SCHIP1: variants seen among roughly 807,000 people sequenced by gnomAD.
The protein encoded by SCHIP1 is schwannomin interacting protein 1.
A neutral mutation model predicts 29.7 loss-of-function variants in SCHIP1; 8 were observed. That is an observed-to-expected ratio of 0.27 (90% confidence interval 0.16 to 0.49). The LOEUF (loss-of-function observed/expected upper bound fraction) is 0.49. SCHIP1 is among the 20% of genes least tolerant of loss of function. The pLI, the probability that SCHIP1 is intolerant of heterozygous loss-of-function variation, is 0.99. For synonymous variants in SCHIP1, 76 were observed against 94.9 expected, an observed-to-expected ratio of 0.80 and a Z score of 1.16; for missense variants, 193 against 294.6, an observed-to-expected ratio of 0.66 and a Z score of 2.52.
the SCHIP1 span, among the ~76,000 whole-genome samples, chr3:159,625,233 T>C: frequency 6.3e-3 from 960 of 152,258 alleles, 13 homozygotes; most frequent in African/African-American, 0.022. Context: ...ACTTTGAATC[T>C]CTGAATCTGC....
chr3:159,482,973 T>G, the SCHIP1 span, among the ~76,000 whole-genome samples: 1 of 152,092 alleles, frequency 6.6e-6, no homozygotes, highest in Non-Finnish European at 1.5e-5. Flanking sequence ...GAAGGGCAGG[T>G]CAAAATTCCT....
At chr3:159,331,185 C>T in the SCHIP1 span, among the ~76,000 whole-genome samples, 1 of 152,120 alleles carries the variant, frequency 6.6e-6, no homozygotes, top group African/African-American at 2.4e-5. Flanking sequence ...TGGGGGGCCA[C>T]TGAAGTTCAG....
At chr3:159,553,558 T>G in the SCHIP1 span, among the ~76,000 whole-genome samples, 1 of 152,212 alleles carries the variant, frequency 6.6e-6, no homozygotes, top group Admixed American at 6.5e-5. Flanking sequence ...ACCTTTTGTG[T>G]TTTACTTAAA....
At chr3:159,433,116 T>C in the SCHIP1 span, among the ~76,000 whole-genome samples, 2 of 152,184 alleles carry the variant, frequency 1.3e-5, no homozygotes, top group African/African-American at 2.4e-5. Flanking sequence ...AGGCTCATTG[T>C]GTATGCAAGG....
At chr3:159,291,967 G>A in the SCHIP1 span, among the ~76,000 whole-genome samples, 1 of 152,118 alleles carries the variant, frequency 6.6e-6, no homozygotes, top group East Asian at 1.9e-4. Flanking sequence ...ACAGTATGTG[G>A]GCTTTGTTTG....
At chr3:159,708,092 C>T in the SCHIP1 span, among the ~76,000 whole-genome samples, 17 of 152,264 alleles carry the variant, frequency 1.1e-4, no homozygotes, top group African/African-American at 2.6e-4. Flanking sequence ...AGAACAGTGC[C>T]TGACACAAAG....
At chr3:159,332,697 T>C in the SCHIP1 span, among the ~76,000 whole-genome samples, 23 of 152,254 alleles carry the variant, frequency 1.5e-4, no homozygotes, top group Middle Eastern at 3.4e-3. Flanking sequence ...TAGTTTGTGA[T>C]GCATCTAAGC....
chr3:159,624,214 T>C, the SCHIP1 span, among the ~76,000 whole-genome samples: 18 of 152,336 alleles, frequency 1.2e-4, no homozygotes, highest in Non-Finnish European at 2.5e-4. Context: ...ATATGTTCCA[T>C]TAATAGTTCC....
chr3:159,697,065 G>C, the SCHIP1 span, among the ~76,000 whole-genome samples: 3 of 152,184 alleles, frequency 2.0e-5, no homozygotes, highest in African/African-American at 7.2e-5. Flanking sequence ...ATGCCTTTTA[G>C]AGTGGTCACT....
the SCHIP1 span, among the ~76,000 whole-genome samples, chr3:159,367,358 T>C: frequency 6.6e-6 from 1 of 151,246 alleles, no homozygotes; most frequent in East Asian, 1.9e-4. Flanking sequence ...TGCCATTCAT[T>C]GCACTCTCAG....
At chr3:159,678,456 G>T in the SCHIP1 span, among the ~76,000 whole-genome samples, 1 of 152,090 alleles carries the variant, frequency 6.6e-6, no homozygotes, top group Non-Finnish European at 1.5e-5. Context: ...GAACAAGACA[G>T]GTGTTTTTAC....
chr3:159,581,664 G>A, the SCHIP1 span, among the ~76,000 whole-genome samples: 1 of 152,054 alleles, frequency 6.6e-6, no homozygotes, highest in Non-Finnish European at 1.5e-5. Flanking sequence ...ATATGGAAAG[G>A]GAAAGGAACT....
the SCHIP1 span, among the ~76,000 whole-genome samples, chr3:159,641,191 G>A: frequency 1.3e-5 from 2 of 152,124 alleles, no homozygotes; most frequent in Non-Finnish European, 2.9e-5. Flanking sequence ...TGAAGTTCTT[G>A]TTTGGGTTTA....
intron 1 of SCHIP1, chr3:159,840,345 T>A: frequency 1.3e-6 from 1 of 754,134 alleles, no homozygotes; most frequent in South Asian, 1.6e-5. Context: ...CTTCATCACG[T>A]GCAGTATCTG....
the SCHIP1 span, among the ~76,000 whole-genome samples, chr3:159,353,728 T>G: frequency 0.37 from 56,269 of 152,048 alleles, 11,526 homozygotes; most frequent in East Asian, 0.47. Flanking sequence ...ACAGGTATTT[T>G]AAAATTTACT....
the SCHIP1 span, among the ~76,000 whole-genome samples, chr3:159,828,523 TAC>T: frequency 6.7e-6 from 1 of 150,268 alleles, no homozygotes; most frequent in Non-Finnish European, 1.5e-5. Context: ...GTATTTATAT[TAC>T]AGTTATTAAA....
chr3:159,802,914 A>G, the SCHIP1 span, among the ~76,000 whole-genome samples: 3 of 152,188 alleles, frequency 2.0e-5, no homozygotes, highest in Non-Finnish European at 4.4e-5. Context: ...TCCTCAATAC[A>G]TGGCTTTCTG....
the SCHIP1 span, among the ~76,000 whole-genome samples, chr3:159,601,578 G>T: frequency 6.6e-6 from 1 of 152,220 alleles, no homozygotes; most frequent in African/African-American, 2.4e-5. Context: ...CACAGAGGCT[G>T]CTCTGCCAGT....
the SCHIP1 span, among the ~76,000 whole-genome samples, chr3:159,605,716 T>C: frequency 6.6e-6 from 1 of 152,204 alleles, no homozygotes; most frequent in Non-Finnish European, 1.5e-5. Flanking sequence ...TGAATCAAAG[T>C]TAAGGCTTAT....
Sources: gnomAD v4.1 joint callset for allele counts (sites outside exome capture counted in the v4.1 genomes callset) on GRCh38, gnomAD v4.1.1 for gene constraint, MANE v1.5 for transcripts, NCBI Gene and HGNC (gene_info 2026-07-23, HGNC 2026-07-21) for gene names.